Variants in SNRPN observed in about 807,000 individuals in gnomAD.
SNRPN encodes small nuclear ribonucleoprotein-associated protein N.
In SNRPN, 7 loss-of-function variants were observed where a neutral mutation model predicts 25.2. The ratio of observed to expected loss-of-function variants is 0.28; its 90% CI spans 0.16 to 0.52. The LOEUF is 0.52. Among genes scored for constraint, SNRPN ranks in the 20% least tolerant of loss-of-function variants. SNRPN has a pLI of 0.96. For missense variants in SNRPN, 196 were observed against 322.5 expected (o/e 0.61, Z 3.00); for synonymous variants, 124 against 110.6 (o/e 1.12, Z -0.76).
At chr15:24,939,060 T>G (rs1292135352) in intron 3 of SNRPN, among the ~76,000 whole-genome samples, 1 of 152,154 alleles carries the variant, frequency 6.6e-6, no homozygotes, top group Non-Finnish European at 1.5e-5. Context: ...ATTGGCTTGG[T>G]GATGAACGGA....
chr15:24,896,180 A>C lies in SNRPN; in HGVS notation c.-505+9591A>C, dbSNP rs573838452. On this transcript the variant is annotated intron_variant, in intron 2 of 11. Transcript: ENST00000400097. ...TGAAATTACCAGCTGGTCTGATGGG[A>C]GATATGATGTGGCCCTGAGGTACAG... 2.5e-4 allele frequency among the ~76,000 whole-genome samples: 38 copies of C among 152,270 alleles called. 1 individual carries two copies. In the South Asian group the frequency reaches 7.7e-3, roughly 31 times the overall value.
intron 3 of SNRPN, among the ~76,000 whole-genome samples, chr15:24,936,411 A>G (rs1186255522): frequency 6.6e-6 from 1 of 152,098 alleles, no homozygotes; most frequent in Admixed American, 6.6e-5. Context: ...TTTTGGCAGA[A>G]ACGGAGTCAG....
At chr15:24,889,350 T>C (rs1304505754) in intron 2 of SNRPN, among the ~76,000 whole-genome samples, 1 of 152,124 alleles carries the variant, frequency 6.6e-6, no homozygotes, top group African/African-American at 2.4e-5. Flanking sequence ...TCACCCAGAC[T>C]GGAGTTCAAT....
upstream of SNRPN, among the ~76,000 whole-genome samples, chr15:24,953,629 A>T (rs914476702): frequency 6.6e-6 from 1 of 152,032 alleles, no homozygotes; most frequent in Non-Finnish European, 1.5e-5. Context: ...CCTACATTTT[A>T]TTTTTCGATT....
chr15:24,961,971 A>T (rs1443114872), intron 1 of SNRPN, 143 bp from the exon 2 acceptor site: 1 of 799,282 alleles, frequency 1.3e-6, no homozygotes, highest in Non-Finnish European at 2.1e-6. Context: ...TTGAAGGTTA[A>T]AGATCTTGTA....
chr15:24,932,139 A>AGGG (rs1330905099), intron 3 of SNRPN, among the ~76,000 whole-genome samples: 4 of 152,106 alleles, frequency 2.6e-5, no homozygotes, highest in African/African-American at 7.2e-5. Context: ...AGGCTATTTA[A>AGGG]GGGGGATACA....
chr15:24,892,962 A>C (rs2057793690), intron 2 of SNRPN, among the ~76,000 whole-genome samples: 1 of 151,668 alleles, frequency 6.6e-6, no homozygotes, highest in Non-Finnish European at 1.5e-5. Context: ...TAATCCCAGC[A>C]CTTTGGGAGG....
intron 2 of SNRPN, among the ~76,000 whole-genome samples, chr15:24,899,957 T>A (rs963230088): frequency 3.3e-5 from 5 of 152,166 alleles, no homozygotes; most frequent in Non-Finnish European, 5.9e-5. Flanking sequence ...TGTTGGTCAT[T>A]CCTTTATGTT....
intron 3 of SNRPN, among the ~76,000 whole-genome samples, chr15:24,947,339 C>T (rs1022939064): frequency 1.3e-5 from 2 of 152,112 alleles, no homozygotes; most frequent in African/African-American, 4.8e-5. Flanking sequence ...GTATTTAAAA[C>T]ATAACCTGAG....
In SNRPN at chr15:24,966,492, C is replaced by T. The variant is rs536668358; in HGVS notation, c.-294-1440C>T. On this transcript the variant is annotated intron_variant, in intron 2 of 9. Coordinates refer to ENST00000390687, the MANE Select transcript of SNRPN (RefSeq NM_003097.6). The stretch of plus-strand genomic sequence containing the variant: ...GAATCACTGGACATGTCACTGAATT[C>T]AGTCAGCAACTCTCCTGCCCTCCCA... Among the ~76,000 whole-genome samples the T allele has an allele frequency of 1.7e-3, 260 of 152,240 alleles. 1 individual carries two copies. The highest frequency in any genetic ancestry group is 5.2e-3 in the African/African-American group (218 of 41,554).
At chr15:24,925,294 CT>C (rs1034995483) in intron 3 of SNRPN, among the ~76,000 whole-genome samples, 5 of 151,870 alleles carry the variant, frequency 3.3e-5, no homozygotes, top group Admixed American at 2.0e-4. Flanking sequence ...AAGCTATAAG[CT>C]TTTTTTTAAT....
At chr15:24,953,356 G>A (rs2153228516), upstream of SNRPN, among the ~76,000 whole-genome samples, 1 of 152,188 alleles carries the variant, frequency 6.6e-6, no homozygotes, top group Admixed American at 6.5e-5. Flanking sequence ...ATGGAGTCTT[G>A]CCCTGTCACC....
chr15:24,834,880 T>C (rs1194430005), intron 2 of SNRPN, among the ~76,000 whole-genome samples: 1 of 129,872 alleles, frequency 7.7e-6, no homozygotes, highest in African/African-American at 2.9e-5. Context: ...GAGCTGAGAG[T>C]GCCACTGCAC....
In SNRPN at chr15:24,978,522, T is replaced by C. The variant is rs924655739; in HGVS notation, c.*78T>C. 2.3e-6 allele frequency: 3 copies of C among 1,290,256 alleles called. No individual in the cohort carries two copies. The East Asian group carries it at 6.9e-5, about 30-fold the overall frequency. The allele number at this position is 1,290,256 out of a possible 1,614,324, so 79.9% of individuals were successfully genotyped here. A position where few individuals can be genotyped will look rare whatever the true frequency, so the allele number is the denominator to read the frequency against. The stretch of plus-strand genomic sequence containing the variant: ...ATTGTGTAGAGTGTTTGTGAGCTTT[T>C]TGTTCCCTCATTCTGCATTAATAAT... On this transcript the variant is annotated 3_prime_UTR_variant, in exon 10 of 10. Transcript: ENST00000390687.
At chr15:24,925,183 T>C (rs1208085798) in intron 3 of SNRPN, among the ~76,000 whole-genome samples, 1 of 152,200 alleles carries the variant, frequency 6.6e-6, no homozygotes, top group Non-Finnish European at 1.5e-5. Flanking sequence ...AAGAAAAATA[T>C]TGATGCCTCC....
chr15:24,828,606 T>C (rs967127823), intron 1 of SNRPN, among the ~76,000 whole-genome samples: 1 of 152,110 alleles, frequency 6.6e-6, no homozygotes, highest in African/African-American at 2.4e-5. Context: ...TTTAGAAGGA[T>C]AGTAAGTAAT....
intron 3 of SNRPN, among the ~76,000 whole-genome samples, chr15:24,940,448 G>A (rs938796655): frequency 1.3e-5 from 2 of 152,242 alleles, no homozygotes; most frequent in South Asian, 2.1e-4. Flanking sequence ...CCAGTACCAC[G>A]TGTTGAAAAG....
intron 2 of SNRPN, among the ~76,000 whole-genome samples, chr15:24,836,620 C>T (rs1306162307): frequency 4.6e-5 from 7 of 152,030 alleles, no homozygotes; most frequent in East Asian, 1.9e-4. Flanking sequence ...ACCATGTTGG[C>T]CAGGCTGGTC....
rs869100437 is a variant in SNRPN at position 24,949,010 on chromosome 15, C to CTT, written c.-390-13076_-390-13075dup. Reference sequence around the variant, plus strand: ...TTCTGTCTATATGGATTTGCCTATTCTTTTTTTTTTTTTTTTTTTTTTTTT... The same window carrying CTT: ...TTCTGTCTATATGGATTTGCCTATTCTTTTTTTTTTTTTTTTTTTTTTTTTTT... On this transcript the variant is annotated intron_variant, in intron 3 of 11. Transcript: ENST00000400097. 4.7e-3 allele frequency among the ~76,000 whole-genome samples: 217 copies of CTT among 46,432 alleles called. 37 individuals carry two copies. The highest frequency in any genetic ancestry group is 0.011 in the African/African-American group (123 of 11,188). The allele number at this position is 46,432 out of a possible 152,430, so 30.5% of individuals were successfully genotyped here. A position where few individuals can be genotyped will look rare whatever the true frequency, so the allele number is the denominator to read the frequency against.
Sources: allele counts gnomAD v4.1 joint callset (sites outside exome capture counted in the v4.1 genomes callset), GRCh38; gene constraint gnomAD v4.1.1; transcripts MANE v1.5; gene names NCBI Gene and HGNC (gene_info 2026-07-23, HGNC 2026-07-21).